FYB1: variants seen among roughly 807,000 people sequenced by gnomAD.
FYB1 encodes the protein FYN-binding protein 1.
FYB1 carries 41 observed loss-of-function variants against 94.1 expected under a neutral mutation model. The observed-to-expected ratio is 0.44, with a 90% CI of 0.34 to 0.57. The LOEUF (loss-of-function observed/expected upper bound fraction) is 0.57, where lower values mean the gene tolerates loss of function less well. Ranked by LOEUF, FYB1 falls within the 20% of genes least tolerant of loss-of-function variation. The pLI is 0.02. For missense variants in FYB1, 1,050 were observed against 976.8 expected, an observed-to-expected ratio of 1.07 and a Z score of -1.00; for synonymous variants, 367 against 353.2, an observed-to-expected ratio of 1.04 and a Z score of -0.44.
intron 1 of FYB1, chr5:39,269,868 G>A (rs756112917): frequency 3.3e-5 from 5 of 152,176 alleles, no homozygotes; most frequent in Non-Finnish European, 5.9e-5. Flanking sequence ...TCTATACTCT[G>A]AGAGCATATG....
At chr5:39,168,813 T>TA in intron 2 of FYB1, among the ~76,000 whole-genome samples, 1 of 152,184 alleles carries the variant, frequency 6.6e-6, no homozygotes. Flanking sequence ...ATTCCTTTTT[T>TA]CTTTTTTTAA....
At position 39,202,355 on chromosome 5, in the gene FYB1, C is replaced by T. The variant is rs369993453; in HGVS notation, c.606G>A (p.Pro202=). The T allele has an allele frequency of 1.3e-4, 211 of 1,613,900 alleles. No homozygotes were observed. Among genetic ancestry groups the T allele is most frequent in the Middle Eastern group, 5.0e-4 (3 of 6,060 alleles). ...CATGGGAGTTCTCGGTACTTAGGGGCGGCTTCTGGCCAAAGGCGGGTTTGG... is the reference window on the plus strand; with the variant it reads ...CATGGGAGTTCTCGGTACTTAGGGGTGGCTTCTGGCCAAAGGCGGGTTTGG... ...LFPKPAFGQK[P]PLSTENSHED... Residue 202 remains proline, a synonymous_variant, in exon 2 of 19, where the codon CCG becomes CCA. Transcript: ENST00000512982.
intron 2 of FYB1, among the ~76,000 whole-genome samples, chr5:39,168,074 GTC>G (rs1224544719): frequency 6.6e-6 from 1 of 152,134 alleles, no homozygotes; most frequent in African/African-American, 2.4e-5. Flanking sequence ...AACTAGATGT[GTC>G]TCTGTGTAAC....
intron 2 of FYB1, among the ~76,000 whole-genome samples, chr5:39,180,864 C>G (rs1400863831): frequency 6.6e-6 from 1 of 152,086 alleles, no homozygotes; most frequent in Non-Finnish European, 1.5e-5. Context: ...ATATTACCAC[C>G]GTACATTTTT....
At chr5:39,169,285 A>C (rs1295932040) in intron 2 of FYB1, 1 of 934,756 alleles carries the variant, frequency 1.1e-6, no homozygotes, top group East Asian at 2.4e-5. Flanking sequence ...AGGTGAAGCC[A>C]AGCCATATAT....
chr5:39,223,350 G>C (rs938596264), upstream of FYB1, among the ~76,000 whole-genome samples: 8 of 151,928 alleles, frequency 5.3e-5, no homozygotes, highest in Non-Finnish European at 1.2e-4. Flanking sequence ...TCCTTGAGAT[G>C]GTGTTGACAG....
chr5:39,139,054 T>C, intron 5 of FYB1, 179 bp downstream of exon 5: 2 of 639,682 alleles, frequency 3.1e-6, no homozygotes, highest in Non-Finnish European at 2.6e-6. Flanking sequence ...AATGAGTCAG[T>C]GTGATGACTA....
At chr5:39,167,014 A>C (rs1580440282) in intron 2 of FYB1, among the ~76,000 whole-genome samples, 1 of 152,232 alleles carries the variant, frequency 6.6e-6, no homozygotes, top group Non-Finnish European at 1.5e-5. Context: ...ACATAAGATG[A>C]TAAATCAGGT....
At position 39,124,236 on chromosome 5, in the gene FYB1, C is replaced by T. The variant is rs1580323756; in HGVS notation, c.2071+17G>A. On this transcript the variant is annotated intron_variant, in intron 13 of 18. Coordinates refer to ENST00000512982, the MANE Select transcript of FYB1 (RefSeq NM_001465.6). ...GAAATGAAGATACAGAACATACAATCAGTTTTTATTACTTACCCAATTGTT... is the reference window on the plus strand; with the variant it reads ...GAAATGAAGATACAGAACATACAATTAGTTTTTATTACTTACCCAATTGTT... 3 of 1,534,720 alleles carry T rather than the reference C, an allele frequency of 2.0e-6. No homozygotes were observed. The highest frequency in any genetic ancestry group is 1.4e-5 in the African/African-American group (1 of 71,758).
chr5:39,127,708 AT>A, intron 11 of FYB1, 32 bp downstream of exon 11: 1 of 1,561,590 alleles, frequency 6.4e-7, no homozygotes, highest in Non-Finnish European at 8.6e-7. Flanking sequence ...ATATATAATA[AT>A]TTGCAAAAAG....
At chr5:39,220,477 C>A (rs190839628), upstream of FYB1, among the ~76,000 whole-genome samples, 1,949 of 147,852 alleles carry the variant, frequency 0.013, 37 homozygotes, top group African/African-American at 0.043. Flanking sequence ...AAGAAAGAAA[C>A]TCAAAAAAGA....
intron 1 of FYB1, among the ~76,000 whole-genome samples, chr5:39,268,293 T>A (rs1303211291): frequency 2.0e-5 from 3 of 151,590 alleles, no homozygotes; most frequent in African/African-American, 7.3e-5. Context: ...GGTGACATGA[T>A]CATTCATCAC....
chr5:39,247,469 A>G (rs1751530527), intron 1 of FYB1, among the ~76,000 whole-genome samples: 1 of 152,164 alleles, frequency 6.6e-6, no homozygotes, highest in African/African-American at 2.4e-5. Context: ...GTTGTTAGAC[A>G]TAAGAAGAAT....
chr5:39,201,173 A>G (rs1012580356), intron 2 of FYB1, among the ~76,000 whole-genome samples: 5 of 152,228 alleles, frequency 3.3e-5, no homozygotes, highest in African/African-American at 1.2e-4. Flanking sequence ...TCTCATTTGA[A>G]TACTGGGCTT....
chr5:39,137,938 C>T, intron 6 of FYB1: 1 of 544,728 alleles, frequency 1.8e-6, no homozygotes, highest in Non-Finnish European at 3.2e-6. Context: ...TCTGCTTTCC[C>T]TGACAACTTG....
intron 12 of FYB1, 98 bp downstream of exon 12, chr5:39,125,900 A>G: frequency 3.4e-6 from 4 of 1,190,322 alleles, no homozygotes; most frequent in Non-Finnish European, 4.7e-6. Context: ...ATTTAAGTCT[A>G]TCAGAATTTG....
intron 2 of FYB1, among the ~76,000 whole-genome samples, chr5:39,199,747 G>A (rs1579650024): frequency 6.6e-6 from 1 of 152,190 alleles, no homozygotes; most frequent in South Asian, 2.1e-4. Context: ...CTATGGGGTA[G>A]GGGCTGGAAA....
chr5:39,241,177 G>A (rs763206941), intron 1 of FYB1, among the ~76,000 whole-genome samples: 13 of 152,166 alleles, frequency 8.5e-5, no homozygotes, highest in Non-Finnish European at 1.2e-4. Context: ...GGAGCTTAGA[G>A]GATAGAGAGG....
chr5:39,137,363 A>T (rs1741757902), intron 7 of FYB1: 1 of 347,556 alleles, frequency 2.9e-6, no homozygotes, highest in Non-Finnish European at 5.2e-6. Context: ...CAATCAACAT[A>T]AAATTTCCTG....
Sources: gnomAD v4.1 joint callset for allele counts (sites outside exome capture counted in the v4.1 genomes callset) on GRCh38, gnomAD v4.1.1 for gene constraint, MANE v1.5 for transcripts, NCBI Gene and HGNC (gene_info 2026-07-23, HGNC 2026-07-21) for gene names.